RBMS3: variants seen among roughly 807,000 people sequenced by gnomAD.
The protein encoded by RBMS3 is RNA-binding motif, single-stranded-interacting protein 3.
A neutral mutation model predicts 66.8 loss-of-function variants in RBMS3; 27 were observed. The observed-to-expected ratio is 0.40, with a 90% confidence interval of 0.30 to 0.56. The LOEUF is 0.56. RBMS3 is among the 20% of genes least tolerant of loss of function. RBMS3 has a pLI of 0.40. For missense variants in RBMS3, 513 were observed against 549.5 expected, an observed-to-expected ratio of 0.93 and a Z score of 0.66; for synonymous variants, 188 against 183.0, an observed-to-expected ratio of 1.03 and a Z score of -0.22.
intron 8 of RBMS3, among the ~76,000 whole-genome samples, chr3:29,896,688 G>C (rs533588565): frequency 2.6e-5 from 4 of 151,528 alleles, no homozygotes; most frequent in African/African-American, 9.7e-5. Flanking sequence ...AGATCTCCAG[G>C]AGAATCATCC....
chr3:30,005,047 A>T lies in RBMS3; in HGVS notation c.*1185A>T, dbSNP rs1324777452. On this transcript the variant is annotated 3_prime_UTR_variant, in exon 15 of 15. Transcript: ENST00000383767. ...GATGGCCTATTTTATACCAAAGATG[A>T]AGTGACACCCTATTACAGTCCAGAA... 6.6e-6 allele frequency: 1 copy of T among 151,806 alleles called. No homozygotes were observed. Among genetic ancestry groups the T allele is most frequent in the African/African-American group, 2.4e-5 (1 of 41,276 alleles). The allele number at this position is 151,806 out of a possible 1,614,324, so 9.4% of individuals were successfully genotyped here. A position where few individuals can be genotyped will look rare whatever the true frequency, so the allele number is the denominator to read the frequency against.
chr3:29,689,377 T>G (rs2051875519), intron 4 of RBMS3, among the ~76,000 whole-genome samples: 1 of 152,178 alleles, frequency 6.6e-6, no homozygotes. Context: ...TATTCATTTT[T>G]TAAAGTACAT....
At chr3:29,287,218 T>C (rs932317944) in intron 1 of RBMS3, among the ~76,000 whole-genome samples, 1 of 152,128 alleles carries the variant, frequency 6.6e-6, no homozygotes, top group African/African-American at 2.4e-5. Context: ...ATACCATTTT[T>C]AAAATGTGGA....
At chr3:29,718,560 G>A (rs556912122) in intron 4 of RBMS3, among the ~76,000 whole-genome samples, 6 of 152,044 alleles carry the variant, frequency 3.9e-5, no homozygotes, top group Non-Finnish European at 8.8e-5. Flanking sequence ...AAAGTCTGGA[G>A]CATTTATTGT....
intron 6 of RBMS3, among the ~76,000 whole-genome samples, chr3:29,832,523 A>G (rs564321603): frequency 1.5e-3 from 220 of 150,428 alleles, no homozygotes; most frequent in African/African-American, 5.1e-3. Flanking sequence ...CACTTTACCC[A>G]TGTCACCCCT....
intron 12 of RBMS3, among the ~76,000 whole-genome samples, chr3:29,956,710 A>G (rs775528811): frequency 1.1e-4 from 16 of 152,128 alleles, no homozygotes; most frequent in Non-Finnish European, 2.9e-5. Flanking sequence ...CAGGACTAGC[A>G]CAATATCCAT....
chr3:29,870,462 G>C (rs375369956), intron 7 of RBMS3, among the ~76,000 whole-genome samples: 2 of 152,262 alleles, frequency 1.3e-5, no homozygotes, highest in African/African-American at 4.8e-5. Context: ...TTCAGTTTCT[G>C]TCTCCTTAAG....
At position 29,322,623 on chromosome 3, in the gene RBMS3, C is replaced by T. The variant is rs575559053; in HGVS notation, c.75+40867C>T. On this transcript the variant is annotated intron_variant, in intron 1 of 14. Transcript: ENST00000383767. ...TGCCATGCTAATTAGTTTTCACATACGAAAAAAAAAAATGGCCATACTCCA... is the reference window on the plus strand; with the variant it reads ...TGCCATGCTAATTAGTTTTCACATATGAAAAAAAAAAATGGCCATACTCCA... Among the ~76,000 whole-genome samples the T allele has an allele frequency of 1.4e-4, 19 of 139,148 alleles. No individual in the cohort carries two copies. In the South Asian group the frequency reaches 3.1e-3, roughly 23 times the overall value. 91.3% of individuals were successfully genotyped at this position (139,148 alleles called of 152,430 possible).
At chr3:29,835,648 G>A (rs1400281215) in intron 6 of RBMS3, among the ~76,000 whole-genome samples, 1 of 151,830 alleles carries the variant, frequency 6.6e-6, no homozygotes, top group Non-Finnish European at 1.5e-5. Context: ...GAAAAGTTTA[G>A]AGTGATAAAT....
At position 29,283,689 on chromosome 3, in the gene RBMS3, G is replaced by A. The variant is rs181693767; in HGVS notation, c.75+1933G>A. ...TTAGATCCATTAGGCGTCCTATGTT[G>A]ATATTTGGATAATCAGATCAGGATA... On this transcript the variant is annotated intron_variant, in intron 1 of 14. Coordinates refer to ENST00000383767, the MANE Select transcript of RBMS3 (RefSeq NM_001003793.3). Among the ~76,000 whole-genome samples the A allele has an allele frequency of 2.6e-3, 400 of 152,252 alleles. 4 individuals carry two copies. Among genetic ancestry groups the A allele is most frequent in the African/African-American group, 9.1e-3 (377 of 41,558 alleles).
At chr3:29,410,354 G>T (rs114111014) in intron 1 of RBMS3, among the ~76,000 whole-genome samples, 138 of 152,246 alleles carry the variant, frequency 9.1e-4, no homozygotes, top group African/African-American at 3.2e-3. Context: ...CCTATATAAG[G>T]TTTCTTTTAG....
At chr3:29,534,374 C>T (rs967004398) in intron 3 of RBMS3, among the ~76,000 whole-genome samples, 3 of 152,330 alleles carry the variant, frequency 2.0e-5, no homozygotes, top group Admixed American at 1.3e-4. Context: ...GGCTTTCCCT[C>T]ACATTTATCT....
At chr3:29,593,800 C>T (rs9835490) in intron 4 of RBMS3, among the ~76,000 whole-genome samples, 22,631 of 152,184 alleles carry the variant, frequency 0.15, 1,933 homozygotes, top group East Asian at 0.32. Flanking sequence ...ACAGACATAG[C>T]ACTGAGCCAA....
intron 4 of RBMS3, among the ~76,000 whole-genome samples, chr3:29,662,332 G>T (rs139197482): frequency 6.6e-6 from 1 of 152,078 alleles, no homozygotes; most frequent in African/African-American, 2.4e-5. Context: ...CCTGTTTATA[G>T]ACACTGAAAA....
At chr3:29,557,426 T>G (rs1234058384) in intron 3 of RBMS3, among the ~76,000 whole-genome samples, 1 of 152,206 alleles carries the variant, frequency 6.6e-6, no homozygotes, top group Non-Finnish European at 1.5e-5. Flanking sequence ...ATGTTGAAAC[T>G]GCTGAGACCA....
At chr3:29,601,213 C>T (rs1038754565) in intron 4 of RBMS3, among the ~76,000 whole-genome samples, 2 of 151,772 alleles carry the variant, frequency 1.3e-5, no homozygotes, top group South Asian at 2.1e-4. Context: ...ATTATTTACA[C>T]AATGCTATGT....
At chr3:29,707,240 C>T (rs1024713491) in intron 4 of RBMS3, among the ~76,000 whole-genome samples, 6 of 152,092 alleles carry the variant, frequency 3.9e-5, no homozygotes, top group Admixed American at 1.3e-4. Context: ...ATGCCAATGC[C>T]TATTTAGTTT....
intron 4 of RBMS3, chr3:29,615,222 T>C (rs750284470): frequency 6.6e-6 from 1 of 152,302 alleles, no homozygotes; most frequent in Non-Finnish European, 1.5e-5. Context: ...ATGACTGGAT[T>C]CTCCTTCCTG....
intron 12 of RBMS3, among the ~76,000 whole-genome samples, chr3:29,983,188 T>C (rs1265589921): frequency 6.6e-6 from 1 of 152,102 alleles, no homozygotes; most frequent in Non-Finnish European, 1.5e-5. Flanking sequence ...TTTTTATCTT[T>C]GTTGTTTTAA....
Sources: allele counts gnomAD v4.1 joint callset (sites outside exome capture counted in the v4.1 genomes callset), GRCh38; gene constraint gnomAD v4.1.1; transcripts MANE v1.5; gene names NCBI Gene and HGNC (gene_info 2026-07-23, HGNC 2026-07-21).